The following HNRNPM variants were observed in gnomAD, a reference collection of about 807,000 sequenced individuals.
HNRNPM encodes CEA receptor.
HNRNPM carries 11 observed loss-of-function variants against 73.1 expected under a neutral mutation model. The observed-to-expected ratio is 0.15, with a 90% CI of 0.09 to 0.25. The LOEUF is 0.25. Among genes scored for constraint, HNRNPM ranks in the 10% least tolerant of loss-of-function variants. HNRNPM has a pLI of 1.00. For synonymous variants in HNRNPM, 407 were observed against 355.2 expected, an observed-to-expected ratio of 1.15 and a Z score of -1.64; for missense variants, 789 against 1,067.9, an observed-to-expected ratio of 0.74 and a Z score of 3.64.
chr19:8,465,626 G>C (rs1388311795), intron 6 of HNRNPM, 111 bp downstream of exon 6: 1 of 794,646 alleles, frequency 1.3e-6, no homozygotes, highest in East Asian at 2.9e-5. Context: ...TGTAAAGAAG[G>C]GTTTTGTTCT....
intron 15 of HNRNPM, 28 bp downstream of exon 15, chr19:8,487,103 G>A: frequency 1.3e-6 from 2 of 1,595,770 alleles, no homozygotes; most frequent in Non-Finnish European, 1.7e-6. Flanking sequence ...CTTTGTAGGT[G>A]CTTCCCTCGT....
intron 2 of HNRNPM, among the ~76,000 whole-genome samples, chr19:8,458,581 C>T (rs758456450): frequency 5.9e-5 from 9 of 152,202 alleles, no homozygotes; most frequent in Non-Finnish European, 1.0e-4. Flanking sequence ...GCTGCACCTG[C>T]AGTGAGTAAA....
chr19:8,462,592 G>C lies in HNRNPM; in HGVS notation c.336+11G>C. 2 of 1,607,148 alleles carry C rather than the reference G, an allele frequency of 1.2e-6. No homozygotes were observed. Among genetic ancestry groups the C allele is most frequent in the Non-Finnish European group, 8.5e-7 (1 of 1,173,588 alleles). On this transcript the variant is annotated intron_variant, in intron 3 of 15. Coordinates refer to ENST00000325495, the MANE Select transcript of HNRNPM (RefSeq NM_005968.5). The surrounding 1 kb of genome is among the most constrained non-coding windows in gnomAD (Gnocchi z 4.5). ...GAAGGAAAGTCAAGGGTAAGTGTCT[G>C]AGAGAATTTCTTCTGTGGATTTACT...
At position 8,485,604 on chromosome 19, in the gene HNRNPM, T is replaced by C. The variant is rs1180687771; in HGVS notation, c.1176T>C (p.Gly392=). 6.3e-7 allele frequency: 1 copy of C among 1,596,998 alleles called. No individual in the cohort carries two copies. The highest frequency in any genetic ancestry group is 2.2e-5 in the East Asian group (1 of 44,628). The change falls in exon 14 of 16, where the codon GGT becomes GGC. Residue 392 remains glycine (G), a splice_region_variant and synonymous_variant. Coordinates refer to ENST00000325495, the MANE Select transcript of HNRNPM (RefSeq NM_005968.5). Reference sequence around the variant, plus strand: ...CTGTGTTTTGTGTCCCTGTTTCAGGTGGAGGTGGAGGAAGCGTCCCTGGGA... The same window carrying C: ...CTGTGTTTTGTGTCCCTGTTTCAGGCGGAGGTGGAGGAAGCGTCCCTGGGA... ...RGEIIAKQGG[G]GGGGSVPGIE...
chr19:8,450,979 T>C (rs1458372122), intron 1 of HNRNPM, among the ~76,000 whole-genome samples: 2 of 152,218 alleles, frequency 1.3e-5, no homozygotes, highest in Non-Finnish European at 2.9e-5. Context: ...TAATCTCGGC[T>C]CACTGCAACC....
chr19:8,446,818 T>A (rs989286209), intron 1 of HNRNPM, among the ~76,000 whole-genome samples: 2 of 152,176 alleles, frequency 1.3e-5, no homozygotes, highest in Non-Finnish European at 2.9e-5. Flanking sequence ...TAAAATACCA[T>A]GGTTACTGGC....
chr19:8,482,777 A>T (rs1216174545), intron 12 of HNRNPM: 1 of 166,536 alleles, frequency 6.0e-6, no homozygotes, highest in Non-Finnish European at 1.3e-5. Flanking sequence ...AGCTCAGGGG[A>T]GGCAAGGAAG....
In HNRNPM at chr19:8,468,912, C is replaced by T. The variant is rs1200850820; in HGVS notation, c.895+78C>T. 9.3e-6 allele frequency: 11 copies of T among 1,186,970 alleles called. No individual in the cohort carries two copies. In the East Asian group the frequency reaches 2.1e-4, roughly 23 times the overall value. 73.5% of individuals were successfully genotyped at this position (1,186,970 alleles called of 1,614,324 possible). ...AACAGAAAATTACCATATGGTTTCA[C>T]TTGAACCTGTGCCAGGTTAGCCCTC... On this transcript the variant is annotated intron_variant, in intron 9 of 15. Coordinates refer to ENST00000325495, the MANE Select transcript of HNRNPM (RefSeq NM_005968.5).
At chr19:8,467,201 T>A (rs1351531835) in intron 7 of HNRNPM, among the ~76,000 whole-genome samples, 4 of 152,130 alleles carry the variant, frequency 2.6e-5, no homozygotes, top group Non-Finnish European at 4.4e-5. Flanking sequence ...CCAGAAAACA[T>A]GGTCCTTCAG....
intron 8 of HNRNPM, among the ~76,000 whole-genome samples, 153 bp from the exon 9 acceptor site, chr19:8,468,621 G>A (rs74699534): frequency 0.04 from 6,115 of 152,206 alleles, 273 homozygotes; most frequent in African/African-American, 0.11. Context: ...TAGGAAGCAT[G>A]CTCCGCATGC....
At chr19:8,470,278 G>C (rs1292031540) in intron 9 of HNRNPM, among the ~76,000 whole-genome samples, 1 of 152,180 alleles carries the variant, frequency 6.6e-6, no homozygotes, top group Non-Finnish European at 1.5e-5. Context: ...AGTGGTGGCA[G>C]GTTTTATTTA....
chr19:8,463,794 G>A, intron 5 of HNRNPM, 108 bp downstream of exon 5: 2 of 718,782 alleles, frequency 2.8e-6, no homozygotes, highest in Admixed American at 2.5e-5. Flanking sequence ...CAAAGCAAGT[G>A]CCAGCCTGTT....
rs1259052090 is a variant in HNRNPM at position 8,485,988 on chromosome 19, T to C, written c.1560T>C (p.Pro520=). 6.3e-7 allele frequency: 1 copy of C among 1,599,158 alleles called. No individual in the cohort carries two copies. Among genetic ancestry groups the C allele is most frequent in the Non-Finnish European group, 8.5e-7 (1 of 1,175,090 alleles). The change falls in exon 14 of 16, where the codon CCT becomes CCC. Residue 520 remains proline, a synonymous_variant. Transcript: ENST00000325495. ...GCTCTGGCGTGGAGCGCATGGGCCC[T>C]GCCATCGAGCGCATGGGCCTGAGCA... The part of the protein sequence containing the change: ...RMGSGVERMG[P]AIERMGLSME...
At chr19:8,456,418 G>T (rs1969031514) in intron 2 of HNRNPM, among the ~76,000 whole-genome samples, 1 of 152,174 alleles carries the variant, frequency 6.6e-6, no homozygotes, top group Non-Finnish European at 1.5e-5. Context: ...CTCAGCCCTG[G>T]GTTAGACAAC....
chr19:8,450,812 C>T (rs1160876654), intron 1 of HNRNPM, among the ~76,000 whole-genome samples: 1 of 151,556 alleles, frequency 6.6e-6, no homozygotes, highest in Non-Finnish European at 1.5e-5. Context: ...GCAACCTCCG[C>T]CTCCCGTTCA....
At chr19:8,481,826 G>A (rs1021003462) in intron 12 of HNRNPM, among the ~76,000 whole-genome samples, 1 of 151,826 alleles carries the variant, frequency 6.6e-6, no homozygotes, top group Non-Finnish European at 1.5e-5. Context: ...AGGCGTCCCG[G>A]GAGAATGAGC....
At chr19:8,465,208 A>G in intron 5 of HNRNPM, 116 bp from the exon 6 acceptor site, 1 of 790,428 alleles carries the variant, frequency 1.3e-6, no homozygotes, top group Non-Finnish European at 2.0e-6. Flanking sequence ...TAGATTTGAG[A>G]GATGCTTTCC....
At chr19:8,467,403 T>G (rs1317742326) in intron 7 of HNRNPM, 132 bp from the exon 8 acceptor site, 1 of 662,272 alleles carries the variant, frequency 1.5e-6, no homozygotes, top group Non-Finnish European at 2.7e-6. Flanking sequence ...GAAAGTATAA[T>G]GAAGAATTGA....
rs1968020627 is a variant in HNRNPM at position 8,445,006 on chromosome 19, C to T, written c.8C>T (p.Ala3Val). 6 of 1,421,280 alleles carry T rather than the reference C, an allele frequency of 4.2e-6. No individual in the cohort carries two copies. The highest frequency in any genetic ancestry group is 4.6e-6 in the Non-Finnish European group (5 of 1,089,514). The allele number at this position is 1,421,280 out of a possible 1,614,324, so 88.0% of individuals were successfully genotyped here. A position where few individuals can be genotyped will look rare whatever the true frequency, so the allele number is the denominator to read the frequency against. ...AGCCCAGACGCGGAGAAAATGGCGG[C>T]AGGGGTCGAAGCGGCGGCGGAGGTG... MA[A>V]GVEAAAEVAA... The change falls in exon 1 of 16, where the codon GCA (alanine) becomes GTA (valine). Residue 3 changes from alanine (A) to valine (V), a missense_variant. Transcript: ENST00000325495.
Sources: allele counts gnomAD v4.1 joint callset (sites outside exome capture counted in the v4.1 genomes callset), GRCh38; gene constraint gnomAD v4.1.1; non-coding constraint Gnocchi (gnomAD v3.1); transcripts MANE v1.5; gene names NCBI Gene and HGNC (gene_info 2026-07-23, HGNC 2026-07-21).